Variants in TMEM231 observed in about 807,000 individuals in gnomAD.
TMEM231 encodes the protein transmembrane protein 231.
In TMEM231, 40 loss-of-function variants were observed where a neutral mutation model predicts 38.5. The ratio of observed to expected loss-of-function variants is 1.04; its 90% CI spans 0.81 to 1.35. The LOEUF (loss-of-function observed/expected upper bound fraction) is 1.35, where lower values mean the gene tolerates loss of function less well. TMEM231 is among the 40% of genes most tolerant of loss of function. The pLI, the probability that TMEM231 is intolerant of heterozygous loss-of-function variation, is 0.00. For missense variants in TMEM231, 420 were observed against 416.9 expected, an observed-to-expected ratio of 1.01 and a Z score of -0.07; for synonymous variants, 199 against 181.7, an observed-to-expected ratio of 1.10 and a Z score of -0.77.
rs1487612580 is a variant in TMEM231 at position 75,539,972 on chromosome 16, T to G, written c.*22A>C. 2 of 1,597,974 alleles carry G rather than the reference T, an allele frequency of 1.3e-6. No individual in the cohort carries two copies. Among genetic ancestry groups the G allele is most frequent in the Non-Finnish European group, 8.5e-7 (1 of 1,172,098 alleles). On this transcript the variant is annotated 3_prime_UTR_variant, in exon 7 of 7. Coordinates refer to ENST00000258173, the MANE Select transcript of TMEM231 (RefSeq NM_001077418.3). ...GACAATGAGGCAGCCACGGTCCTGC[T>G]GAGTCTTCAGAAATGGCCTTTCTAG...
At chr16:75,550,302 G>A (rs539674317) in intron 2 of TMEM231, among the ~76,000 whole-genome samples, 9 of 152,356 alleles carry the variant, frequency 5.9e-5, no homozygotes, top group African/African-American at 1.9e-4. Context: ...TAGGAGAGGC[G>A]TCCTGCTCCT....
chr16:75,549,681 C>G (rs970057765), intron 2 of TMEM231, among the ~76,000 whole-genome samples: 1 of 151,978 alleles, frequency 6.6e-6, no homozygotes, highest in Non-Finnish European at 1.5e-5. Flanking sequence ...GAAATCCACA[C>G]GCATGTACTG....
rs182008317 is a variant in TMEM231 at position 75,540,017 on chromosome 16, A to C, written c.928T>G (p.Leu310Val). 2.2e-3 allele frequency: 3,538 copies of C among 1,612,450 alleles called. 12 individuals carry two copies. Among genetic ancestry groups the C allele is most frequent in the Non-Finnish European group, 2.6e-3 (3,112 of 1,179,284 alleles). Residue 310 changes from leucine to valine, a missense_variant, in exon 7 of 7, where the codon TTG becomes GTG. Transcript: ENST00000258173. ...IPVTVTPRGDLCKEHLS is the reference protein window; with the variant it reads ...IPVTVTPRGDVCKEHLS ...TTCTAGGATAAGTGCTCCTTACACAAGTCTCCCCGGGGCGTCACTGTCACA... is the reference window on the plus strand; with the variant it reads ...TTCTAGGATAAGTGCTCCTTACACACGTCTCCCCGGGGCGTCACTGTCACA...
chr16:75,553,740 CT>C (rs1425549303), intron 2 of TMEM231, among the ~76,000 whole-genome samples: 3 of 151,854 alleles, frequency 2.0e-5, no homozygotes, highest in African/African-American at 7.3e-5. Context: ...CCACACTGGC[CT>C]TGAACTCCTG....
chr16:75,542,164 A>G, intron 5 of TMEM231: 1 of 175,300 alleles, frequency 5.7e-6, no homozygotes, highest in Non-Finnish European at 1.2e-5. Flanking sequence ...TCTGGCAGGA[A>G]ACAGGGGCAC....
intron 2 of TMEM231, among the ~76,000 whole-genome samples, chr16:75,547,605 C>A (rs538753567): frequency 7.2e-4 from 109 of 152,042 alleles, no homozygotes; most frequent in African/African-American, 2.5e-3. Context: ...ATGGTGAAAC[C>A]CCGTCTCTAC....
At chr16:75,540,276 CCT>C in intron 6 of TMEM231, 102 bp from the exon 7 acceptor site, 1 of 1,200,256 alleles carries the variant, frequency 8.3e-7, no homozygotes, top group South Asian at 1.6e-5. Flanking sequence ...GGAGGCAGGA[CCT>C]CTGTCATGTA....
At position 75,553,119 on chromosome 16, in the gene TMEM231, A is replaced by G. The variant is rs746218014; in HGVS notation, c.309+2685T>C. Among the ~76,000 whole-genome samples the G allele has an allele frequency of 2.0e-4, 30 of 152,202 alleles. 1 individual carries two copies. Among genetic ancestry groups the G allele is most frequent in the Non-Finnish European group, 8.8e-5 (6 of 68,032 alleles). On this transcript the variant is annotated intron_variant, in intron 2 of 6. Transcript: ENST00000258173. Reference sequence around the variant, plus strand: ...TGTGACTTCAGCATTTCCCCCAATTAGCCACTGCAAAGCCACCTCCCAGCA... The same window carrying G: ...TGTGACTTCAGCATTTCCCCCAATTGGCCACTGCAAAGCCACCTCCCAGCA...
chr16:75,541,713 A>G, intron 5 of TMEM231: 1 of 256,264 alleles, frequency 3.9e-6, no homozygotes, highest in South Asian at 1.1e-4. Flanking sequence ...CTGAAGGAAT[A>G]CTATACTGCC....
rs1471824069 is a variant in TMEM231 at position 75,539,920 on chromosome 16, A to G, written c.*74T>C. On this transcript the variant is annotated 3_prime_UTR_variant, in exon 7 of 7. Coordinates refer to ENST00000258173, the MANE Select transcript of TMEM231 (RefSeq NM_001077418.3). Reference sequence around the variant, plus strand: ...CGCAGGTGTCCGCTGGGCTCTTTCAAAAGGTCCTAAGATGTTCCCAGAAGA... The same window carrying G: ...CGCAGGTGTCCGCTGGGCTCTTTCAGAAGGTCCTAAGATGTTCCCAGAAGA... 2.9e-6 allele frequency: 4 copies of G among 1,377,040 alleles called. No homozygotes were observed. The African/African-American group carries it at 4.3e-5, about 15-fold the overall frequency. The allele number at this position is 1,377,040 out of a possible 1,614,324, so 85.3% of individuals were successfully genotyped here.
At chr16:75,546,197 A>G (rs752004448) in intron 2 of TMEM231, 22 of 1,182,556 alleles carry the variant, frequency 1.9e-5, no homozygotes, top group Non-Finnish European at 2.6e-5. Flanking sequence ...TAAATGGGCA[A>G]TAACAAAAAA....
intron 2 of TMEM231, among the ~76,000 whole-genome samples, chr16:75,553,862 G>A (rs374508146): frequency 4.6e-5 from 7 of 152,058 alleles, no homozygotes; most frequent in African/African-American, 1.7e-4. Context: ...ATTTAGAAAT[G>A]TATCTCCAGG....
chr16:75,551,689 C>T (rs958929001), intron 2 of TMEM231, among the ~76,000 whole-genome samples: 1 of 152,138 alleles, frequency 6.6e-6, no homozygotes, highest in Non-Finnish European at 1.5e-5. Context: ...TAGGTCGGGG[C>T]AGTGGCTCAC....
chr16:75,549,129 C>A (rs1597045038), intron 2 of TMEM231, among the ~76,000 whole-genome samples: 1 of 152,186 alleles, frequency 6.6e-6, no homozygotes, highest in South Asian at 2.1e-4. Flanking sequence ...CACAAATGAC[C>A]TGTCACCAAG....
At position 75,556,212 on chromosome 16, in the gene TMEM231, G is replaced by C; in HGVS notation, c.-3C>G. ...GAGAAGAGCTCATAGAGCGCCATGA[G>C]CACCGCTCGCAGGCACTCCGCGAGC... On this transcript the variant is annotated 5_prime_UTR_variant, in exon 1 of 7. Transcript: ENST00000258173. 7.0e-7 allele frequency: 1 copy of C among 1,428,008 alleles called. No individual in the cohort carries two copies. The highest frequency in any genetic ancestry group is 9.1e-7 in the Non-Finnish European group (1 of 1,097,946). The allele number at this position is 1,428,008 out of a possible 1,614,324, so 88.5% of individuals were successfully genotyped here.
chr16:75,555,562 G>GCGCA, intron 2 of TMEM231: 1 of 479,208 alleles, frequency 2.1e-6, no homozygotes, highest in East Asian at 3.4e-5. Flanking sequence ...CTGTGTCAGG[G>GCGCA]CGCACACGCT....
chr16:75,540,178 T>C lies in TMEM231; in HGVS notation c.771-4A>G, dbSNP rs199768195. The C allele has an allele frequency of 6.8e-6, 11 of 1,611,086 alleles. No homozygotes were observed. The highest frequency in any genetic ancestry group is 8.5e-6 in the Non-Finnish European group (10 of 1,178,610). On this transcript the variant is annotated splice_region_variant and splice_polypyrimidine_tract_variant and intron_variant, in intron 6 of 6. Coordinates refer to ENST00000258173, the MANE Select transcript of TMEM231 (RefSeq NM_001077418.3). Reference sequence around the variant, plus strand: ...CTCCCAGAATCCTGGCTGATAAGTATGGACAGTTAAGGAGTGAAGGGCCAC... The same window carrying C: ...CTCCCAGAATCCTGGCTGATAAGTACGGACAGTTAAGGAGTGAAGGGCCAC...
intron 2 of TMEM231, among the ~76,000 whole-genome samples, chr16:75,547,956 G>A (rs1029282016): frequency 6.6e-6 from 1 of 152,130 alleles, no homozygotes; most frequent in African/African-American, 2.4e-5. Context: ...GAGGATAGTG[G>A]CCAGGAGACA....
chr16:75,552,976 T>C (rs927768670), intron 2 of TMEM231, among the ~76,000 whole-genome samples: 2 of 152,212 alleles, frequency 1.3e-5, no homozygotes, highest in South Asian at 2.1e-4. Flanking sequence ...AAAAAGTCAC[T>C]CTGCTTTTCT....
Sources: gnomAD v4.1 joint callset for allele counts (sites outside exome capture counted in the v4.1 genomes callset) on GRCh38, gnomAD v4.1.1 for gene constraint, MANE v1.5 for transcripts, NCBI Gene and HGNC (gene_info 2026-07-23, HGNC 2026-07-21) for gene names.